SUGCT: variants seen among roughly 807,000 people sequenced by gnomAD.
SUGCT encodes the protein succinyl-CoA:glutarate-CoA transferase.
In SUGCT, 41 loss-of-function variants were observed where a neutral mutation model predicts 55.0. The observed-to-expected ratio is 0.74, with a 90% CI of 0.58 to 0.97. SUGCT has a LOEUF of 0.97. SUGCT is among the 50% of genes least tolerant of loss of function. The pLI is 0.00. For missense variants in SUGCT, 568 were observed against 547.8 expected (o/e 1.04, Z -0.37); for synonymous variants, 187 against 200.4 (o/e 0.93, Z 0.56).
intron 11 of SUGCT, among the ~76,000 whole-genome samples, chr7:40,468,818 C>A (rs766579156): frequency 6.6e-6 from 1 of 152,140 alleles, no homozygotes; most frequent in Non-Finnish European, 1.5e-5. Flanking sequence ...AGTGTAAATA[C>A]ATTTTCCCAG....
chr7:40,936,684 G>A, the SUGCT span, among the ~76,000 whole-genome samples: 1 of 151,754 alleles, frequency 6.6e-6, no homozygotes, highest in Non-Finnish European at 1.5e-5. Flanking sequence ...TAACAGAAAG[G>A]TAGGTTATTG....
chr7:40,911,995 C>T, the SUGCT span, among the ~76,000 whole-genome samples: 1 of 152,068 alleles, frequency 6.6e-6, no homozygotes, highest in Non-Finnish European at 1.5e-5. Flanking sequence ...GTTGGTATTT[C>T]GTCCTAAGCA....
chr7:40,342,468 T>C (rs937776309), intron 9 of SUGCT, among the ~76,000 whole-genome samples: 12 of 152,298 alleles, frequency 7.9e-5, no homozygotes, highest in African/African-American at 2.9e-4. Flanking sequence ...TATGATTAAA[T>C]GTTGATTAAT....
chr7:40,970,752 C>CATTT, the SUGCT span, among the ~76,000 whole-genome samples: 1 of 152,078 alleles, frequency 6.6e-6, no homozygotes, highest in African/African-American at 2.4e-5. Context: ...TTGACATGAG[C>CATTT]ATTTGCCTGG....
chr7:40,972,862 G>T, the SUGCT span, among the ~76,000 whole-genome samples: 1 of 152,248 alleles, frequency 6.6e-6, no homozygotes, highest in East Asian at 1.9e-4. Flanking sequence ...CCTTCTGTAA[G>T]ACTTTCTAAT....
At chr7:40,560,585 A>T (rs1053135321) in intron 12 of SUGCT, among the ~76,000 whole-genome samples, 1 of 152,208 alleles carries the variant, frequency 6.6e-6, no homozygotes, top group African/African-American at 2.4e-5. Flanking sequence ...TACTCCAAGG[A>T]TCTTAGAGTC....
intron 12 of SUGCT, among the ~76,000 whole-genome samples, chr7:40,578,410 T>C (rs1796890619): frequency 6.6e-6 from 1 of 152,176 alleles, no homozygotes; most frequent in Non-Finnish European, 1.5e-5. Context: ...TTCTATTTAA[T>C]GGGTTTGGGG....
the SUGCT span, among the ~76,000 whole-genome samples, chr7:40,879,351 T>A: frequency 6.6e-6 from 1 of 152,212 alleles, no homozygotes; most frequent in East Asian, 1.9e-4. Context: ...AGTTTATTCA[T>A]CTCTTACTTT....
At chr7:40,165,712 C>T (rs1307976758) in intron 1 of SUGCT, among the ~76,000 whole-genome samples, 4 of 143,232 alleles carry the variant, frequency 2.8e-5, no homozygotes, top group Admixed American at 2.2e-4. Flanking sequence ...GATTTTTTTC[C>T]TGTTCCTTAG....
chr7:40,303,079 G>A (rs1794633481), intron 8 of SUGCT, among the ~76,000 whole-genome samples: 1 of 151,962 alleles, frequency 6.6e-6, no homozygotes, highest in African/African-American at 2.4e-5. Flanking sequence ...TGTCACCCAG[G>A]CTGGAGTGCA....
At chr7:40,618,408 T>G (rs1799112059) in intron 12 of SUGCT, among the ~76,000 whole-genome samples, 1 of 152,202 alleles carries the variant, frequency 6.6e-6, no homozygotes, top group African/African-American at 2.4e-5. Context: ...CTAACCAGAC[T>G]TCTACTGAAG....
At chr7:40,969,155 C>G in the SUGCT span, among the ~76,000 whole-genome samples, 4 of 152,328 alleles carry the variant, frequency 2.6e-5, no homozygotes, top group Non-Finnish European at 4.4e-5. Flanking sequence ...TATTCCAGAG[C>G]CTTTCTTGGG....
At chr7:40,195,347 G>A (rs1359950087) in intron 6 of SUGCT, among the ~76,000 whole-genome samples, 3 of 150,498 alleles carry the variant, frequency 2.0e-5, no homozygotes, top group Non-Finnish European at 2.9e-5. Flanking sequence ...TTAGCCTCCT[G>A]AGTAGCTGGG....
chr7:40,452,628 T>C (rs1449017671), intron 10 of SUGCT, among the ~76,000 whole-genome samples: 2 of 152,214 alleles, frequency 1.3e-5, no homozygotes, highest in Non-Finnish European at 2.9e-5. Context: ...CTTAATCTTT[T>C]CTAAGCATCT....
intron 12 of SUGCT, among the ~76,000 whole-genome samples, chr7:40,590,720 A>G (rs2151732363): frequency 6.6e-6 from 1 of 152,264 alleles, no homozygotes; most frequent in East Asian, 1.9e-4. Flanking sequence ...GGGCTAATGT[A>G]GCTGGTTACT....
chr7:40,220,228 G>A (rs1452527882), intron 6 of SUGCT, among the ~76,000 whole-genome samples: 8 of 152,132 alleles, frequency 5.3e-5, no homozygotes, highest in East Asian at 1.9e-4. Context: ...GTTGAGAGGC[G>A]TACTGGTATG....
intron 9 of SUGCT, among the ~76,000 whole-genome samples, chr7:40,322,973 T>TAAATGAAATAAAATAAAATA: frequency 6.8e-6 from 1 of 146,674 alleles, no homozygotes; most frequent in East Asian, 2.0e-4. Flanking sequence ...TCAAATAAAA[T>TAAATGAAATAAAATAAAATA]AAATAAAATA....
chr7:40,523,892 T>G (rs1793678522), intron 12 of SUGCT, among the ~76,000 whole-genome samples: 1 of 152,222 alleles, frequency 6.6e-6, no homozygotes. Context: ...TTCTCTCAAT[T>G]TTTTTCTTTT....
the SUGCT span, among the ~76,000 whole-genome samples, chr7:40,963,525 A>G: frequency 6.6e-6 from 1 of 152,226 alleles, no homozygotes; most frequent in African/African-American, 2.4e-5. Context: ...ACCTGGAGCC[A>G]ATTTGTATTG....
Sources: gnomAD v4.1 joint callset for allele counts (sites outside exome capture counted in the v4.1 genomes callset) on GRCh38, gnomAD v4.1.1 for gene constraint, MANE v1.5 for transcripts, NCBI Gene and HGNC (gene_info 2026-07-23, HGNC 2026-07-21) for gene names.